HERC1: variants seen among roughly 807,000 people sequenced by gnomAD.
The protein encoded by HERC1 is HECT and RLD domain containing E3 ubiquitin protein ligase family member 1.
In HERC1, 160 loss-of-function variants were observed where a neutral mutation model predicts 554.3. That is an observed-to-expected ratio of 0.29 (90% CI 0.25 to 0.33). HERC1 has a LOEUF of 0.33. HERC1 is among the 10% of genes least tolerant of loss of function. The probability of loss-of-function intolerance (pLI) is 1.00; values close to 1 mark genes in which losing one functional copy is unlikely to be tolerated. For missense variants in HERC1, 4,919 were observed against 5,918.5 expected (o/e 0.83, Z 5.54); for synonymous variants, 2,175 against 2,131.7 (o/e 1.02, Z -0.56).
intron 47 of HERC1, 27 bp downstream of exon 47, chr15:63,659,709 T>A: frequency 6.5e-7 from 1 of 1,540,850 alleles, no homozygotes; most frequent in Non-Finnish European, 9.0e-7. Flanking sequence ...TGCTATAAAA[T>A]CAATGCAAAT....
At chr15:63,830,947 C>T (rs2078131486) in intron 1 of HERC1, among the ~76,000 whole-genome samples, 2 of 152,150 alleles carry the variant, frequency 1.3e-5, no homozygotes, top group Admixed American at 1.3e-4. Flanking sequence ...AAAGAAAATG[C>T]TAGCAGATGT....
At chr15:63,627,860 T>C (rs553708188) in intron 70 of HERC1, among the ~76,000 whole-genome samples, 34 of 152,270 alleles carry the variant, frequency 2.2e-4, no homozygotes, top group African/African-American at 7.5e-4. Flanking sequence ...TGTGTAGCTA[T>C]ACAAAAATTT....
At chr15:63,662,879 A>G (rs2070429722) in intron 44 of HERC1, 105 bp downstream of exon 44, 4 of 785,952 alleles carry the variant, frequency 5.1e-6, no homozygotes, top group Non-Finnish European at 8.2e-6. Context: ...GAGATAAAAG[A>G]CTTTTTAGAG....
At position 63,674,984 on chromosome 15, in the gene HERC1, C is replaced by T. The variant is rs983622080; in HGVS notation, c.7204G>A (p.Val2402Ile). The T allele has an allele frequency of 5.6e-6, 9 of 1,613,964 alleles. No individual in the cohort carries two copies. Among genetic ancestry groups the T allele is most frequent in the Admixed American group, 1.7e-5 (1 of 60,018 alleles). ...VLLDLTYLTGVHEDMGKQSTK... is the reference protein window; with the variant it reads ...VLLDLTYLTGIHEDMGKQSTK... The stretch of plus-strand genomic sequence containing the variant: ...CTCTGTTTGCCCATGTCTTCATGAA[C>T]GCCAGTGAGATATGTTAGGTCCAGC... The change falls in exon 38 of 78, where the codon GTT (valine) becomes ATT (isoleucine). Residue 2402 changes from valine to isoleucine, a missense_variant. Coordinates refer to ENST00000443617, the MANE Select transcript of HERC1 (RefSeq NM_003922.4).
At chr15:63,617,802 GTCT>G (rs1340885899) in intron 74 of HERC1, among the ~76,000 whole-genome samples, 5 of 152,146 alleles carry the variant, frequency 3.3e-5, no homozygotes, top group Non-Finnish European at 7.4e-5. Context: ...CTGCATAAAT[GTCT>G]TCTTTTGAGA....
At position 63,712,764 on chromosome 15, in the gene HERC1, G is replaced by A; in HGVS notation, c.4584+11C>T. The A allele has an allele frequency of 6.2e-7, 1 of 1,611,682 alleles. No homozygotes were observed. The highest frequency in any genetic ancestry group is 8.5e-7 in the Non-Finnish European group (1 of 1,178,858). On this transcript the variant is annotated intron_variant, in intron 24 of 77. Transcript: ENST00000443617. ...CAAAAATCTTTCTTTACTGAATCTG[G>A]GTATACCTACCAGTGCGTAACCCTC... is the stretch of plus-strand genomic sequence containing the variant.
chr15:63,653,656 T>C (rs1283600453), intron 51 of HERC1, among the ~76,000 whole-genome samples: 3 of 152,218 alleles, frequency 2.0e-5, no homozygotes, highest in African/African-American at 4.8e-5. Context: ...TATCCTCCCA[T>C]GTAATTTAAA....
Position 63,758,153 on chromosome 15 carries a change from G to A in HERC1, c.1221+22C>T. On this transcript the variant is annotated intron_variant, in intron 4 of 77. Transcript: ENST00000443617. This position sits in a 1 kb window ranked among gnomAD's most constrained non-coding sequence, Gnocchi z 4.0. ...TATACACCAGATTATCTACCAGTTT[G>A]TAAGCTATTTAGAAAACTTACGGTC... 1 of 1,556,906 alleles carries A rather than the reference G, an allele frequency of 6.4e-7. No homozygotes were observed. The highest frequency in any genetic ancestry group is 1.1e-5 in the South Asian group (1 of 87,652).
At chr15:63,785,073 G>A (rs1354872837) in intron 1 of HERC1, among the ~76,000 whole-genome samples, 1 of 152,196 alleles carries the variant, frequency 6.6e-6, no homozygotes, top group Non-Finnish European at 1.5e-5. Context: ...TCAAGGGAAT[G>A]TAGTCAAAGT....
chr15:63,723,218 G>C lies in HERC1; in HGVS notation c.3706C>G (p.Leu1236Val). 2 of 1,586,350 alleles carry C rather than the reference G, an allele frequency of 1.3e-6. No homozygotes were observed. The highest frequency in any genetic ancestry group is 1.7e-6 in the Non-Finnish European group (2 of 1,166,052). Residue 1236 changes from leucine (L) to valine (V), a missense_variant, in exon 19 of 78, where the codon CTT becomes GTT. By Grantham distance (32) the Leu-to-Val change is conservative. Transcript: ENST00000443617. ...GCATAGTCCTGCATGCTGATCCAAA[G>C]GCTTCGGGCAGGCTCTTTAGAACAA... ...LGCSKEPARSLWISMQDYAVS... is the reference protein window; with the variant it reads ...LGCSKEPARSVWISMQDYAVS...
intron 1 of HERC1, among the ~76,000 whole-genome samples, chr15:63,786,900 C>T (rs929165086): frequency 1.3e-5 from 2 of 150,092 alleles, no homozygotes; most frequent in Non-Finnish European, 3.0e-5. Flanking sequence ...GTGATGTGAA[C>T]TTCAACTCAA....
chr15:63,773,084 T>C (rs1190876818), intron 2 of HERC1, among the ~76,000 whole-genome samples: 1 of 152,172 alleles, frequency 6.6e-6, no homozygotes, highest in African/African-American at 2.4e-5. Context: ...ATAAGTGACA[T>C]TTTTAGTTAT....
Position 63,758,120 on chromosome 15 carries a change from A to G in HERC1, c.1221+55T>C, listed in dbSNP as rs188150210. 7.3e-6 allele frequency: 9 copies of G among 1,239,564 alleles called. 1 individual carries two copies. The Admixed American group carries it at 1.8e-4, about 25-fold the overall frequency. 76.8% of individuals were successfully genotyped at this position (1,239,564 alleles called of 1,614,324 possible). Reference sequence around the variant, plus strand: ...TACTCAGTATTATTTAATGCAAATAAGCATGAATATACACCAGATTATCTA... The same window carrying G: ...TACTCAGTATTATTTAATGCAAATAGGCATGAATATACACCAGATTATCTA... On this transcript the variant is annotated intron_variant, in intron 4 of 77. Transcript: ENST00000443617. The surrounding 1 kb of genome is among the most constrained non-coding windows in gnomAD (Gnocchi z 4.0).
At chr15:63,686,145 A>G (rs2071748894) in intron 34 of HERC1, among the ~76,000 whole-genome samples, 3 of 152,190 alleles carry the variant, frequency 2.0e-5, no homozygotes. Context: ...CATTTTTAAC[A>G]TTTTTGAGAT....
chr15:63,628,934 A>G, intron 69 of HERC1, 119 bp from the exon 70 acceptor site: 1 of 908,250 alleles, frequency 1.1e-6, no homozygotes, highest in Non-Finnish European at 1.7e-6. Context: ...ACCATGCATC[A>G]GCATCAATAA....
In HERC1 at chr15:63,626,003, G is replaced by A; in HGVS notation, c.13257C>T (p.Asn4419=). 6.2e-7 allele frequency: 1 copy of A among 1,610,630 alleles called. No individual in the cohort carries two copies. The highest frequency in any genetic ancestry group is 8.5e-7 in the Non-Finnish European group (1 of 1,178,484). The change falls in exon 71 of 78, where the codon AAC becomes AAT. Residue 4419 remains asparagine (N), a synonymous_variant. Coordinates refer to ENST00000443617, the MANE Select transcript of HERC1 (RefSeq NM_003922.4). ...CTGTTACCTGGTTGTTGGGGCTAAG[G>A]TTCAGCAGTCTCCAGGATGAGTACA... ...DLMYSSWRLL[N]LSPNNQNSTS... is the part of the protein sequence containing the mutation.
chr15:63,642,394 A>G (rs1315562393), intron 59 of HERC1, among the ~76,000 whole-genome samples: 1 of 152,090 alleles, frequency 6.6e-6, no homozygotes, highest in African/African-American at 2.4e-5. Flanking sequence ...TTGGAGTACA[A>G]TGGCGCAGTC....
In HERC1 at chr15:63,623,753, A is replaced by C; in HGVS notation, c.13583T>G (p.Phe4528Cys). 6.2e-7 allele frequency: 1 copy of C among 1,613,866 alleles called. No homozygotes were observed. The highest frequency in any genetic ancestry group is 8.5e-7 in the Non-Finnish European group (1 of 1,179,838). Residue 4528 changes from phenylalanine to cysteine, a missense_variant, in exon 73 of 78, where the codon TTT (phenylalanine) becomes TGT (cysteine). Physicochemically the swap from Phe to Cys is radical, Grantham distance 205. Coordinates refer to ENST00000443617, the MANE Select transcript of HERC1 (RefSeq NM_003922.4). ...GCACATCTCTGTGATGGTGTCATCA[A>C]ACACTCCTCCAGCATCATCAGCCCC... ...GEGADDAGGV[F>C]DDTITEMCQE...
Position 63,674,724 on chromosome 15 carries a change from ATTT to A in HERC1, c.7461_7463del (p.Lys2487del), listed in dbSNP as rs771064945. ...CATGGTTTTTGGACATGTGTTCATG[ATTT>A]TTTCTTTTCCCTTCTGTTATTTGAT... On this transcript the variant is annotated inframe_deletion, in exon 38 of 78. Coordinates refer to ENST00000443617, the MANE Select transcript of HERC1 (RefSeq NM_003922.4). The A allele has an allele frequency of 1.2e-6, 2 of 1,613,452 alleles. No individual in the cohort carries two copies. The highest frequency in any genetic ancestry group is 2.7e-5 in the African/African-American group (2 of 74,802).
Sources: gnomAD v4.1 joint callset for allele counts (sites outside exome capture counted in the v4.1 genomes callset) on GRCh38, gnomAD v4.1.1 for gene constraint, Gnocchi (gnomAD v3.1) non-coding constraint, MANE v1.5 for transcripts, NCBI Gene and HGNC (gene_info 2026-07-23, HGNC 2026-07-21) for gene names.